TMEM117: variants seen among roughly 807,000 people sequenced by gnomAD.
TMEM117 encodes the protein transmembrane protein 117.
Under a neutral mutation model 52.4 loss-of-function variants are expected in TMEM117, and 27 were observed. The ratio of observed to expected loss-of-function variants is 0.51; its 90% CI spans 0.38 to 0.71. TMEM117 has a LOEUF of 0.71. Among genes scored for constraint, TMEM117 ranks in the 30% least tolerant of loss-of-function variants. TMEM117 has a pLI of 0.00. For synonymous variants in TMEM117, 215 were observed against 206.3 expected (o/e 1.04, Z -0.36); for missense variants, 556 against 630.5 (o/e 0.88, Z 1.26).
At chr12:44,246,587 A>C (rs1228704582) in intron 5 of TMEM117, among the ~76,000 whole-genome samples, 1 of 152,200 alleles carries the variant, frequency 6.6e-6, no homozygotes, top group Non-Finnish European at 1.5e-5. Context: ...ACAGCAATAT[A>C]TGTTGAACAT....
At chr12:44,044,337 T>A (rs1034409841) in intron 3 of TMEM117, among the ~76,000 whole-genome samples, 6 of 152,186 alleles carry the variant, frequency 3.9e-5, no homozygotes. Context: ...ACTGCTCTCC[T>A]TTTGAGAGAC....
Position 44,065,203 on chromosome 12 carries a change from A to G in TMEM117, c.411-78322A>G, listed in dbSNP as rs1395877936. ...AAGACCAGCTGGCCAAGATGGTGAAACCCTGTTTCTACTAAAAATACAAAA... is the reference window on the plus strand; with the variant it reads ...AAGACCAGCTGGCCAAGATGGTGAAGCCCTGTTTCTACTAAAAATACAAAA... On this transcript the variant is annotated intron_variant, in intron 3 of 7. Transcript: ENST00000266534. Among the ~76,000 whole-genome samples, 4 of 152,070 alleles carry G rather than the reference A, an allele frequency of 2.6e-5. No homozygotes were observed. In the East Asian group the frequency reaches 7.7e-4, roughly 29 times the overall value.
At chr12:43,902,528 T>C (rs542945613) in intron 2 of TMEM117, among the ~76,000 whole-genome samples, 1 of 152,308 alleles carries the variant, frequency 6.6e-6, no homozygotes, top group Admixed American at 6.5e-5. Flanking sequence ...ATGCTGTTGG[T>C]CCAAAGCCTG....
chr12:44,337,743 A>T (rs1364808274), intron 6 of TMEM117, among the ~76,000 whole-genome samples: 1 of 152,064 alleles, frequency 6.6e-6, no homozygotes, highest in Non-Finnish European at 1.5e-5. Context: ...CCATTCTCAA[A>T]CACATATTTT....
intron 3 of TMEM117, among the ~76,000 whole-genome samples, chr12:43,976,065 A>T (rs926769017): frequency 6.6e-6 from 1 of 152,186 alleles, no homozygotes; most frequent in Admixed American, 6.5e-5. Flanking sequence ...TACCAGGACT[A>T]AAATGAGAGA....
intron 2 of TMEM117, among the ~76,000 whole-genome samples, chr12:43,859,222 G>A (rs544440368): frequency 7.9e-5 from 12 of 152,316 alleles, no homozygotes; most frequent in African/African-American, 2.6e-4. Flanking sequence ...GCGGAATTCT[G>A]TTGGAGGGAG....
At chr12:43,975,764 T>A (rs1406105545) in intron 3 of TMEM117, among the ~76,000 whole-genome samples, 1 of 152,230 alleles carries the variant, frequency 6.6e-6, no homozygotes, top group East Asian at 1.9e-4. Context: ...GGAACATTGC[T>A]TTTATCCATT....
rs145206925 is a variant in TMEM117, at chr12:44,280,807, C to T, written c.609-18773C>T. ...TTTACATTACCTGAAGTAACATTTT[C>T]GGTTAAGGGAATTTCTAAATTCTGA... On this transcript the variant is annotated intron_variant, in intron 5 of 7. Transcript: ENST00000266534. Among the ~76,000 whole-genome samples the T allele has an allele frequency of 5.7e-4, 86 of 152,142 alleles. 1 individual carries two copies. The highest frequency in any genetic ancestry group is 2.0e-3 in the African/African-American group (83 of 41,508).
At chr12:43,946,382 T>G (rs1945132200) in intron 3 of TMEM117, among the ~76,000 whole-genome samples, 1 of 19,758 alleles carries the variant, frequency 5.1e-5, no homozygotes, top group Admixed American at 7.1e-4. Context: ...AATTCTGTTT[T>G]TTTTTTTTTT....
rs7307611 is a variant in TMEM117, at chr12:44,223,908, G to T, written c.608+12521G>T. ...TTGCCTCGTTCTGCCAATTGGCTTGGCCCTTCCAGAAGATAAAGAATTTCT... is the reference window on the plus strand; with the variant it reads ...TTGCCTCGTTCTGCCAATTGGCTTGTCCCTTCCAGAAGATAAAGAATTTCT... On this transcript the variant is annotated intron_variant, in intron 5 of 7. Transcript: ENST00000266534. 3.0e-3 allele frequency among the ~76,000 whole-genome samples: 458 copies of T among 152,244 alleles called. 1 individual carries two copies. The highest frequency in any genetic ancestry group is 0.011 in the African/African-American group (438 of 41,554).
chr12:44,278,054 G>A (rs573070979), intron 5 of TMEM117, among the ~76,000 whole-genome samples: 25 of 152,094 alleles, frequency 1.6e-4, no homozygotes, highest in Non-Finnish European at 2.2e-4. Flanking sequence ...GAGCCACTGC[G>A]CCTGGCCAAA....
At chr12:44,068,790 C>G (rs115748337) in intron 3 of TMEM117, among the ~76,000 whole-genome samples, 1 of 152,186 alleles carries the variant, frequency 6.6e-6, no homozygotes, top group South Asian at 2.1e-4. Flanking sequence ...GTTGGGAAAA[C>G]AGTGCTGACA....
At chr12:44,372,626 A>G (rs1951880884) in intron 6 of TMEM117, among the ~76,000 whole-genome samples, 1 of 152,130 alleles carries the variant, frequency 6.6e-6, no homozygotes, top group South Asian at 2.1e-4. Context: ...AAAGAAAGAA[A>G]ATAGTTTAAA....
At chr12:44,362,786 A>G (rs1951738537) in intron 6 of TMEM117, among the ~76,000 whole-genome samples, 1 of 151,944 alleles carries the variant, frequency 6.6e-6, no homozygotes, top group Non-Finnish European at 1.5e-5. Flanking sequence ...GTGGGCAAAC[A>G]TCTCTACACA....
At chr12:43,979,144 G>T (rs2137715192) in intron 3 of TMEM117, among the ~76,000 whole-genome samples, 1 of 151,960 alleles carries the variant, frequency 6.6e-6, no homozygotes, top group South Asian at 2.1e-4. Context: ...AGTAATTTTT[G>T]ATAATCATTT....
At chr12:43,822,370 C>T in the TMEM117 span, among the ~76,000 whole-genome samples, 2 of 152,134 alleles carry the variant, frequency 1.3e-5, no homozygotes, top group Non-Finnish European at 2.9e-5. Context: ...TATTACACTA[C>T]ATTAATGATT....
chr12:44,063,800 A>G (rs1307318618), intron 3 of TMEM117, among the ~76,000 whole-genome samples: 1 of 152,110 alleles, frequency 6.6e-6, no homozygotes, highest in African/African-American at 2.4e-5. Context: ...TTAAAATTAT[A>G]TGCAGTTCTC....
In TMEM117 at chr12:44,311,863, A is replaced by ATG. The variant is rs56701738; in HGVS notation, c.768+12125_768+12126insGT. On this transcript the variant is annotated intron_variant, in intron 6 of 7. Coordinates refer to ENST00000266534, the MANE Select transcript of TMEM117 (RefSeq NM_032256.3). ...TGTATATATATGTATATATGTATAT[A>ATG]TATGTATATATATGTATATATGTAT... Among the ~76,000 whole-genome samples the ATG allele has an allele frequency of 3.9e-3, 491 of 125,854 alleles. 3 individuals are homozygous for ATG. The highest frequency in any genetic ancestry group is 0.018 in the African/African-American group (466 of 26,002). The allele number at this position is 125,854 out of a possible 152,430, so 82.6% of individuals were successfully genotyped here.
chr12:44,344,685 T>G lies in TMEM117; in HGVS notation c.769-31910T>G, dbSNP rs180774025. ...AACACAGATGGAGAAATATGTAGTA[T>G]TGCATAAATTTGTGACTCTAAGCTC... On this transcript the variant is annotated intron_variant, in intron 6 of 7. Transcript: ENST00000266534. Among the ~76,000 whole-genome samples, 4 of 152,210 alleles carry G rather than the reference T, an allele frequency of 2.6e-5. No individual in the cohort carries two copies. The East Asian group carries it at 7.8e-4, about 30-fold the overall frequency.
Sources: gnomAD v4.1 joint callset for allele counts (sites outside exome capture counted in the v4.1 genomes callset) on GRCh38, gnomAD v4.1.1 for gene constraint, MANE v1.5 for transcripts, NCBI Gene and HGNC (gene_info 2026-07-23, HGNC 2026-07-21) for gene names.